Variants in DENND1B observed in about 807,000 individuals in gnomAD.
DENND1B encodes the protein DENN domain-containing protein 1B.
DENND1B carries 59 observed loss-of-function variants against 90.1 expected under a neutral mutation model. That is an observed-to-expected ratio of 0.65 (90% CI 0.53 to 0.81). The LOEUF (loss-of-function observed/expected upper bound fraction) is 0.81, where lower values mean the gene tolerates loss of function less well. Among genes scored for constraint, DENND1B ranks in the 40% least tolerant of loss-of-function variants. The pLI is 0.00. For missense variants in DENND1B, 862 were observed against 912.6 expected (o/e 0.94, Z 0.71); for synonymous variants, 337 against 324.6 (o/e 1.04, Z -0.41).
At chr1:197,705,731 T>A (rs1452628677) in intron 3 of DENND1B, among the ~76,000 whole-genome samples, 7 of 148,496 alleles carry the variant, frequency 4.7e-5, no homozygotes, top group African/African-American at 1.2e-4. Flanking sequence ...AAGACTAAAA[T>A]ATATATATAT....
intron 12 of DENND1B, among the ~76,000 whole-genome samples, chr1:197,611,152 T>A (rs1244387596): frequency 6.6e-6 from 1 of 150,846 alleles, no homozygotes; most frequent in Non-Finnish European, 1.5e-5. Flanking sequence ...GTACAATCTG[T>A]ACAACCAGCA....
intron 4 of DENND1B, among the ~76,000 whole-genome samples, chr1:197,673,611 A>G (rs1655752636): frequency 6.6e-6 from 1 of 152,118 alleles, no homozygotes; most frequent in Non-Finnish European, 1.5e-5. Flanking sequence ...AGTGAAATAT[A>G]AAAACAAGAT....
chr1:197,731,608 C>T lies in DENND1B; in HGVS notation c.83-16534G>A, dbSNP rs551229189. 6.7e-4 allele frequency among the ~76,000 whole-genome samples: 102 copies of T among 152,260 alleles called. 2 individuals carry two copies. In the South Asian group the frequency reaches 0.02, roughly 29 times the overall value. On this transcript the variant is annotated intron_variant, in intron 2 of 22. Coordinates refer to ENST00000620048, the MANE Select transcript of DENND1B (RefSeq NM_001195215.2). Reference sequence around the variant, plus strand: ...CATGCATTGTCATTCACTCATTATACACCAGGGGCGTCCAATCTTTTGGCT... The same window carrying T: ...CATGCATTGTCATTCACTCATTATATACCAGGGGCGTCCAATCTTTTGGCT...
chr1:197,726,106 T>C (rs541417670), intron 2 of DENND1B, among the ~76,000 whole-genome samples: 2 of 151,810 alleles, frequency 1.3e-5, no homozygotes, highest in African/African-American at 4.8e-5. Flanking sequence ...GCAGATAACA[T>C]AAAATTTACA....
At chr1:197,671,769 A>G (rs1477914070) in intron 5 of DENND1B, among the ~76,000 whole-genome samples, 1 of 152,018 alleles carries the variant, frequency 6.6e-6, no homozygotes, top group Non-Finnish European at 1.5e-5. Flanking sequence ...TGAAACTCAT[A>G]TTATTTGAAT....
Position 197,510,775 on chromosome 1 carries a change from G to A in DENND1B, c.2013C>T (p.His671=). 6.2e-7 allele frequency: 1 copy of A among 1,612,440 alleles called. No homozygotes were observed. Among genetic ancestry groups the A allele is most frequent in the Non-Finnish European group, 8.5e-7 (1 of 1,179,100 alleles). Reference sequence around the variant, plus strand: ...GGTCACTCACATTGTCAGCACCGAGGTGCTTGTTACTGTTTTCCTCTTTCA... The same window carrying A: ...GGTCACTCACATTGTCAGCACCGAGATGCTTGTTACTGTTTTCCTCTTTCA... The part of the protein sequence containing the change: ...FILKEENSNK[H]LGADNVSDPT... The change falls in exon 23 of 23, where the codon CAC becomes CAT. Residue 671 remains histidine (H), a synonymous_variant. Transcript: ENST00000620048.
chr1:197,690,048 T>G (rs1657695534), intron 3 of DENND1B: 1 of 164,306 alleles, frequency 6.1e-6, no homozygotes, highest in Admixed American at 6.3e-5. Flanking sequence ...CATTGTCCCT[T>G]TGGGGCTAGT....
intron 15 of DENND1B, among the ~76,000 whole-genome samples, chr1:197,570,880 A>G (rs1468794682): frequency 6.6e-6 from 1 of 152,214 alleles, no homozygotes; most frequent in Non-Finnish European, 1.5e-5. Flanking sequence ...TATGCAAGAA[A>G]CTGGATATAT....
intron 13 of DENND1B, among the ~76,000 whole-genome samples, chr1:197,599,853 A>T (rs750778495): frequency 6.6e-6 from 1 of 151,888 alleles, no homozygotes; most frequent in Non-Finnish European, 1.5e-5. Flanking sequence ...CGAATATGGC[A>T]TCATCTACAA....
At chr1:197,742,947 G>A (rs1256909969) in intron 2 of DENND1B, among the ~76,000 whole-genome samples, 1 of 152,094 alleles carries the variant, frequency 6.6e-6, no homozygotes, top group Non-Finnish European at 1.5e-5. Context: ...TAAAACCATG[G>A]ACATGTGAGG....
intron 3 of DENND1B, among the ~76,000 whole-genome samples, chr1:197,703,859 T>C (rs1376745032): frequency 6.6e-6 from 1 of 152,168 alleles, no homozygotes; most frequent in African/African-American, 2.4e-5. Context: ...CCTCCTCTCT[T>C]CACTCACATA....
chr1:197,753,998 C>A lies in DENND1B; in HGVS notation c.82+18870G>T, dbSNP rs550003091. On this transcript the variant is annotated intron_variant, in intron 2 of 22. Transcript: ENST00000620048. ...CTGGCAACAGAGCAAGATTCTAAAT[C>A]AAAAAAACAATAAAATAAAATAAAA... 1.0e-3 allele frequency among the ~76,000 whole-genome samples: 152 copies of A among 150,548 alleles called. 1 individual carries two copies. The highest frequency in any genetic ancestry group is 2.3e-3 in the Admixed American group (35 of 15,154).
intron 14 of DENND1B, among the ~76,000 whole-genome samples, chr1:197,592,055 G>A (rs1312473815): frequency 7.4e-6 from 1 of 134,362 alleles, no homozygotes; most frequent in African/African-American, 2.7e-5. Flanking sequence ...CTTGCAGCGA[G>A]CTGAGATCAC....
chr1:197,746,705 A>G, intron 2 of DENND1B: 1 of 847,752 alleles, frequency 1.2e-6, no homozygotes, highest in Non-Finnish European at 2.0e-6. Flanking sequence ...TTCTCAGTAA[A>G]TTGAGCATTT....
At chr1:197,698,083 C>G (rs1658630326) in intron 3 of DENND1B, among the ~76,000 whole-genome samples, 1 of 152,116 alleles carries the variant, frequency 6.6e-6, no homozygotes, top group African/African-American at 2.4e-5. Context: ...TAGATGTCTA[C>G]AGAACTGTCT....
intron 20 of DENND1B, among the ~76,000 whole-genome samples, chr1:197,518,347 A>T (rs1558194062): frequency 6.6e-6 from 1 of 151,896 alleles, no homozygotes; most frequent in Non-Finnish European, 1.5e-5. Context: ...ATGACAATCC[A>T]CTAGAATGGA....
rs1045746790 is a variant in DENND1B, at chr1:197,620,743, C to T, written c.673-2984G>A. 5.9e-5 allele frequency among the ~76,000 whole-genome samples: 9 copies of T among 151,274 alleles called. 1 individual carries two copies. The highest frequency in any genetic ancestry group is 2.2e-4 in the African/African-American group (9 of 41,314). On this transcript the variant is annotated intron_variant, in intron 10 of 22. Transcript: ENST00000620048. ...ATTTTGAGTGCCTGCTATATGCAAT[C>T]GAAATCCCTATGAGGCAACAGGGAC...
At chr1:197,575,346 G>A (rs1673574461) in intron 15 of DENND1B, among the ~76,000 whole-genome samples, 1 of 152,150 alleles carries the variant, frequency 6.6e-6, no homozygotes, top group South Asian at 2.1e-4. Context: ...CATCATCACT[G>A]GTCATCAGAG....
intron 16 of DENND1B, among the ~76,000 whole-genome samples, chr1:197,548,071 C>A (rs1476345493): frequency 6.6e-6 from 1 of 152,150 alleles, no homozygotes; most frequent in African/African-American, 2.4e-5. Flanking sequence ...TAACCTTTGT[C>A]AATCCAGAAA....
Sources: allele counts gnomAD v4.1 joint callset (sites outside exome capture counted in the v4.1 genomes callset), GRCh38; gene constraint gnomAD v4.1.1; transcripts MANE v1.5; gene names NCBI Gene and HGNC (gene_info 2026-07-23, HGNC 2026-07-21).